Variants in SULF2 observed in about 807,000 individuals in gnomAD.
SULF2 encodes sulfatase 2.
In SULF2, 52 loss-of-function variants were observed where a neutral mutation model predicts 107.7. The observed-to-expected ratio is 0.48, with a 90% confidence interval of 0.39 to 0.61. The LOEUF is 0.61. SULF2 is among the 20% of genes least tolerant of loss of function. The pLI is 0.00. For missense variants in SULF2, 993 were observed against 1,177.3 expected (o/e 0.84, Z 2.29); for synonymous variants, 460 against 464.3 (o/e 0.99, Z 0.12).
chr20:47,775,483 ACT>A (rs112683620), intron 1 of SULF2, among the ~76,000 whole-genome samples: 1,621 of 152,336 alleles, frequency 0.011, 38 homozygotes, highest in African/African-American at 0.037. Flanking sequence ...ACCTTAAACC[ACT>A]GAGTTTGGAG....
intron 4 of SULF2, among the ~76,000 whole-genome samples, chr20:47,700,591 G>A (rs997337750): frequency 6.6e-6 from 1 of 150,938 alleles, no homozygotes; most frequent in African/African-American, 2.4e-5. Context: ...GATAAGGGAT[G>A]CAGGGCAACT....
intron 3 of SULF2, among the ~76,000 whole-genome samples, chr20:47,713,481 TG>T (rs770856259): frequency 7.9e-5 from 12 of 152,128 alleles, no homozygotes; most frequent in Non-Finnish European, 1.8e-4. Flanking sequence ...GAGCTTGGTT[TG>T]CAGAGTCAGA....
chr20:47,739,918 A>G (rs1417619584), intron 2 of SULF2, among the ~76,000 whole-genome samples: 1 of 152,216 alleles, frequency 6.6e-6, no homozygotes, highest in Non-Finnish European at 1.5e-5. Flanking sequence ...AGCATCACAC[A>G]GGATATGTGC....
rs79223218 is a variant in SULF2 at position 47,770,649 on chromosome 20, G to A, written c.-100-13186C>T. Among the ~76,000 whole-genome samples, 56 of 152,286 alleles carry A rather than the reference G, an allele frequency of 3.7e-4. No homozygotes were observed. In the East Asian group the frequency reaches 8.7e-3, roughly 24 times the overall value. ...CAGAGGCTCCTGATCAGGAACTTGC[G>A]CAGGACATGGCAGGAAGGGCTGGTC... is the stretch of plus-strand genomic sequence containing the variant. On this transcript the variant is annotated intron_variant, in intron 1 of 20. Coordinates refer to ENST00000688720, the MANE Select transcript of SULF2 (RefSeq NM_001387048.1).
At chr20:47,761,474 A>G (rs1048120293) in intron 1 of SULF2, among the ~76,000 whole-genome samples, 1 of 152,266 alleles carries the variant, frequency 6.6e-6, no homozygotes, top group Non-Finnish European at 1.5e-5. Context: ...TGTTTTGGGA[A>G]AAGAAAACTT....
intron 1 of SULF2, among the ~76,000 whole-genome samples, chr20:47,771,425 T>G (rs977629421): frequency 1.3e-5 from 2 of 152,180 alleles, no homozygotes; most frequent in African/African-American, 4.8e-5. Flanking sequence ...TCTTCCCATT[T>G]TTTAACCACT....
At chr20:47,662,170 G>T (rs917011561) in intron 17 of SULF2, among the ~76,000 whole-genome samples, 1 of 152,162 alleles carries the variant, frequency 6.6e-6, no homozygotes, top group African/African-American at 2.4e-5. Context: ...TGCAGCCACT[G>T]GTCAGGAAAC....
intron 3 of SULF2, among the ~76,000 whole-genome samples, chr20:47,724,623 G>T (rs530282215): frequency 1.9e-4 from 29 of 152,310 alleles, no homozygotes; most frequent in African/African-American, 6.7e-4. Flanking sequence ...CTAGTGACAG[G>T]TTTTATTGCC....
At chr20:47,702,741 C>A in intron 3 of SULF2, 71 bp from the exon 4 acceptor site, 7 of 1,510,108 alleles carry the variant, frequency 4.6e-6, no homozygotes, top group Non-Finnish European at 6.3e-6. Flanking sequence ...TATTGTGTGT[C>A]CGAGGCCTGA....
chr20:47,743,819 C>T (rs538742157), intron 2 of SULF2, among the ~76,000 whole-genome samples: 3 of 152,320 alleles, frequency 2.0e-5, no homozygotes, highest in African/African-American at 4.8e-5. Context: ...CATTGACCTC[C>T]TCCTTGTTGT....
At chr20:47,737,421 T>C (rs191884061) in intron 2 of SULF2, among the ~76,000 whole-genome samples, 165 of 152,388 alleles carry the variant, frequency 1.1e-3, no homozygotes, top group Non-Finnish European at 1.9e-3. Flanking sequence ...TACTTTCTTT[T>C]CTTTGGAACT....
At position 47,769,015 on chromosome 20, in the gene SULF2, G is replaced by GA. The variant is rs1397981932; in HGVS notation, c.-100-11553_-100-11552insT. Among the ~76,000 whole-genome samples, 3 of 149,470 alleles carry GA rather than the reference G, an allele frequency of 2.0e-5. No homozygotes were observed. The East Asian group carries it at 6.0e-4, about 30-fold the overall frequency. ...CCTGCCTCAGCCTCCTGAGTAGCTG[G>GA]GATTACAGGCACCCGCCACCATGCC... On this transcript the variant is annotated intron_variant, in intron 1 of 20. Coordinates refer to ENST00000688720, the MANE Select transcript of SULF2 (RefSeq NM_001387048.1).
At chr20:47,670,304 T>G (rs1270676144) in intron 11 of SULF2, among the ~76,000 whole-genome samples, 1 of 152,104 alleles carries the variant, frequency 6.6e-6, no homozygotes. Context: ...GCCATTCTAG[T>G]GCCTCAGCCT....
At chr20:47,759,706 C>A (rs2090375440) in intron 1 of SULF2, among the ~76,000 whole-genome samples, 1 of 152,182 alleles carries the variant, frequency 6.6e-6, no homozygotes, top group African/African-American at 2.4e-5. Flanking sequence ...ACAACAACAA[C>A]AACAACAAAC....
intron 1 of SULF2, among the ~76,000 whole-genome samples, chr20:47,760,777 AGTC>A (rs960496200): frequency 6.6e-6 from 1 of 152,200 alleles, no homozygotes; most frequent in Non-Finnish European, 1.5e-5. Flanking sequence ...CACTCGATGC[AGTC>A]GTCTGACATG....
intron 3 of SULF2, among the ~76,000 whole-genome samples, chr20:47,718,273 G>A (rs2089185415): frequency 6.6e-6 from 1 of 152,140 alleles, no homozygotes; most frequent in South Asian, 2.1e-4. Flanking sequence ...ACATGACAAA[G>A]TTGCTGGGAA....
intron 2 of SULF2, among the ~76,000 whole-genome samples, chr20:47,738,202 G>C (rs1452878703): frequency 6.6e-6 from 1 of 152,248 alleles, no homozygotes; most frequent in Non-Finnish European, 1.5e-5. Flanking sequence ...GCTCAGCGCT[G>C]AATCCTCAGC....
chr20:47,692,974 T>G (rs1227899405), intron 4 of SULF2, among the ~76,000 whole-genome samples: 1 of 152,000 alleles, frequency 6.6e-6, no homozygotes, highest in Non-Finnish European at 1.5e-5. Flanking sequence ...CAAGGAAAAA[T>G]CTGGAAGGAT....
intron 3 of SULF2, among the ~76,000 whole-genome samples, chr20:47,704,935 C>G (rs2088682534): frequency 6.6e-6 from 1 of 152,166 alleles, no homozygotes; most frequent in South Asian, 2.1e-4. Context: ...CACCAGTGTC[C>G]TTGGAGAAAG....
Sources: gnomAD v4.1 joint callset for allele counts (sites outside exome capture counted in the v4.1 genomes callset) on GRCh38, gnomAD v4.1.1 for gene constraint, MANE v1.5 for transcripts, NCBI Gene and HGNC (gene_info 2026-07-23, HGNC 2026-07-21) for gene names.